Variants in ARFGAP1 observed in about 807,000 individuals in gnomAD.
ARFGAP1 encodes ARF GTPase activating protein 1.
A neutral mutation model predicts 54.0 loss-of-function variants in ARFGAP1; 26 were observed. That is an observed-to-expected ratio of 0.48 (90% CI 0.35 to 0.67). The LOEUF is 0.67. Ranked by LOEUF, ARFGAP1 falls within the 30% of genes least tolerant of loss-of-function variation. ARFGAP1 has a pLI of 0.00. For missense variants in ARFGAP1, 525 were observed against 535.8 expected (o/e 0.98, Z 0.20); for synonymous variants, 248 against 211.9 (o/e 1.17, Z -1.48).
intron 1 of ARFGAP1, among the ~76,000 whole-genome samples, chr20:63,274,768 G>T (rs1601329821): frequency 6.6e-6 from 1 of 152,160 alleles, no homozygotes; most frequent in East Asian, 1.9e-4. Flanking sequence ...CTCCGGCTTT[G>T]AATCTTAACT....
Position 63,286,160 on chromosome 20 carries a change from C to T in ARFGAP1, c.835-206C>T, listed in dbSNP as rs551715478. On this transcript the variant is annotated intron_variant, in intron 11 of 12. Transcript: ENST00000370283. ...TGAGGTCTGTGCACGAGGCTGTCCT[C>T]GCTGCCATGTCCCGCACACACCTGG... 5.7e-5 allele frequency: 89 copies of T among 1,550,256 alleles called. No individual in the cohort carries two copies. In the South Asian group the frequency reaches 7.6e-4, roughly 13 times the overall value.
intron 9 of ARFGAP1, chr20:63,283,393 G>A (rs1189610048): frequency 2.0e-5 from 4 of 196,140 alleles, no homozygotes; most frequent in Non-Finnish European, 4.1e-5. Context: ...GGCTGTCCTC[G>A]GGTTCAGAAT....
chr20:63,285,309 T>C (rs920030460), intron 10 of ARFGAP1, among the ~76,000 whole-genome samples: 2 of 152,150 alleles, frequency 1.3e-5, no homozygotes, highest in African/African-American at 4.8e-5. Context: ...CCTGCCATCC[T>C]AGGGGGTCAA....
chr20:63,279,063 G>C, intron 7 of ARFGAP1, 68 bp downstream of exon 7: 1 of 1,463,062 alleles, frequency 6.8e-7, no homozygotes, highest in Non-Finnish European at 9.5e-7. Context: ...ACGGGCCATA[G>C]TGGGCAGTGT....
At chr20:63,285,268 G>T (rs987464157) in intron 10 of ARFGAP1, among the ~76,000 whole-genome samples, 5 of 152,172 alleles carry the variant, frequency 3.3e-5, no homozygotes, top group Admixed American at 6.5e-5. Context: ...GCGGAGCTGT[G>T]CCCAGAGGAG....
chr20:63,284,868 G>C lies in ARFGAP1; in HGVS notation c.720G>C (p.Ala240=), dbSNP rs112403271. 1 of 1,612,780 alleles carries C rather than the reference G, an allele frequency of 6.2e-7. No individual in the cohort carries two copies. The highest frequency in any genetic ancestry group is 1.3e-5 in the African/African-American group (1 of 75,034). Residue 240 remains alanine, a splice_region_variant and synonymous_variant, in exon 10 of 13, where the codon GCG becomes GCC. Coordinates refer to ENST00000370283, the MANE Select transcript of ARFGAP1 (RefSeq NM_018209.4). ...TCACGTGACTTCCCTTCCTACAGGCGTCCGAGCTGGGCCACAGCCTGAACG... is the reference window on the plus strand; with the variant it reads ...TCACGTGACTTCCCTTCCTACAGGCCTCCGAGCTGGGCCACAGCCTGAACG... ...TKFGSQASQK[A]SELGHSLNEN...
At chr20:63,284,017 C>T (rs1188684411) in intron 9 of ARFGAP1, 31 of 1,487,432 alleles carry the variant, frequency 2.1e-5, no homozygotes, top group Non-Finnish European at 2.6e-5. Context: ...TCCCTGGCCT[C>T]GGTCCGTGGC....
chr20:63,278,319 A>G, intron 6 of ARFGAP1, 116 bp downstream of exon 6: 1 of 1,055,838 alleles, frequency 9.5e-7, no homozygotes, highest in Non-Finnish European at 1.4e-6. Flanking sequence ...GGACCCAGGC[A>G]TGCGCGGTGC....
In ARFGAP1 at chr20:63,285,933, C is replaced by T. The variant is rs534094119; in HGVS notation, c.834+220C>T. On this transcript the variant is annotated intron_variant, in intron 11 of 12. Coordinates refer to ENST00000370283, the MANE Select transcript of ARFGAP1 (RefSeq NM_018209.4). ...GGTCAGCCACTAACTGTCACTTCTC[C>T]CTCTGCTCTTATCTTGCTGCTGCTG... The T allele has an allele frequency of 1.0e-4, 153 of 1,487,392 alleles. No homozygotes were observed. In the African/African-American group the frequency reaches 1.8e-3, roughly 17 times the overall value. 92.1% of individuals were successfully genotyped at this position (1,487,392 alleles called of 1,614,324 possible).
chr20:63,279,175 A>C, intron 7 of ARFGAP1, 180 bp downstream of exon 7: 2 of 678,278 alleles, frequency 2.9e-6, no homozygotes, highest in Non-Finnish European at 5.2e-6. Context: ...AATTTTTCAG[A>C]TCCCAAATGT....
chr20:63,274,682 A>G (rs1213147312), intron 1 of ARFGAP1, among the ~76,000 whole-genome samples: 6 of 151,992 alleles, frequency 3.9e-5, no homozygotes, highest in African/African-American at 1.5e-4. Context: ...ACTATCTTCT[A>G]CAGTTTGCTC....
chr20:63,285,957 T>G lies in ARFGAP1; in HGVS notation c.834+244T>G, dbSNP rs947405394. ...CCCTCTGCTCTTATCTTGCTGCTGC[T>G]GGCCTTTTCCTCGGTAAGTAAGTGC... On this transcript the variant is annotated intron_variant, in intron 11 of 12. Transcript: ENST00000370283. 2.0e-6 allele frequency: 3 copies of G among 1,504,250 alleles called. No individual in the cohort carries two copies. The African/African-American group carries it at 4.2e-5, about 21-fold the overall frequency. 93.2% of individuals were successfully genotyped at this position (1,504,250 alleles called of 1,614,324 possible). A position where few individuals can be genotyped will look rare whatever the true frequency, so the allele number is the denominator to read the frequency against.
At chr20:63,279,057 G>C in intron 7 of ARFGAP1, 62 bp downstream of exon 7, 1 of 1,516,148 alleles carries the variant, frequency 6.6e-7, no homozygotes, top group East Asian at 2.3e-5. Context: ...GGCACGACGG[G>C]CCATAGTGGG....
chr20:63,284,717 C>T, intron 9 of ARFGAP1, 149 bp from the exon 10 acceptor site: 1 of 1,480,634 alleles, frequency 6.8e-7, no homozygotes. Context: ...GTGTGCAAAG[C>T]CCCGTTTCCT....
At chr20:63,275,986 C>A in intron 2 of ARFGAP1, 105 bp from the exon 3 acceptor site, 1 of 1,037,072 alleles carries the variant, frequency 9.6e-7, no homozygotes, top group Non-Finnish European at 1.5e-6. Flanking sequence ...CCCGGCCACC[C>A]TGGGCAGCCC....
In ARFGAP1 at chr20:63,277,257, A is replaced by T. The variant is rs1361829916; in HGVS notation, c.395A>T (p.Gln132Leu). The T allele has an allele frequency of 6.2e-7, 1 of 1,613,034 alleles. No homozygotes were observed. Among genetic ancestry groups the T allele is most frequent in the Non-Finnish European group, 8.5e-7 (1 of 1,179,918 alleles). Residue 132 changes from glutamine (Q) to leucine (L), a missense_variant, in exon 5 of 13, where the codon CAG becomes CTG. Coordinates refer to ENST00000370283, the MANE Select transcript of ARFGAP1 (RefSeq NM_018209.4). ...REWSLESSPA[Q>L]NWTPPQPRTL... ...TGGTCTCTGGAGTCATCACCTGCCC[A>T]GAACTGGACCCCACCTCAGCCCAGG...
rs903221663 is a variant in ARFGAP1 at position 63,283,989 on chromosome 20, G to T, written c.718-877G>T. On this transcript the variant is annotated intron_variant, in intron 9 of 12. Transcript: ENST00000370283. ...CACTGTCTTGTGTCACCTCACATGT[G>T]CGCACGCTCAGACCCTCTCCCTGGC... is the stretch of plus-strand genomic sequence containing the variant. The T allele has an allele frequency of 3.2e-5, 49 of 1,545,120 alleles. No individual in the cohort carries two copies. In the African/African-American group the frequency reaches 6.1e-4, roughly 19 times the overall value.
intron 9 of ARFGAP1, chr20:63,283,804 C>CCCTCA: frequency 6.2e-7 from 1 of 1,610,112 alleles, no homozygotes; most frequent in Non-Finnish European, 8.5e-7. Flanking sequence ...CTAATGCCGC[C>CCCTCA]CCTCACCTTG....
rs1409408092 is a variant in ARFGAP1 at position 63,288,317 on chromosome 20, T to C, written c.*444T>C. On this transcript the variant is annotated 3_prime_UTR_variant, in exon 13 of 13. Transcript: ENST00000370283. ...ACTTTGGTTTTGCTCTAGTTCTTTC[T>C]TTTTGAAGAGAGTGACTGGAGTGGT... The C allele has an allele frequency of 2.2e-6, 1 of 463,700 alleles. No homozygotes were observed. The highest frequency in any genetic ancestry group is 1.5e-5 in the South Asian group (1 of 64,622). The allele number at this position is 463,700 out of a possible 1,614,324, so 28.7% of individuals were successfully genotyped here.
Sources: gnomAD v4.1 joint callset for allele counts (sites outside exome capture counted in the v4.1 genomes callset) on GRCh38, gnomAD v4.1.1 for gene constraint, MANE v1.5 for transcripts, NCBI Gene and HGNC (gene_info 2026-07-23, HGNC 2026-07-21) for gene names.